Variants in PRKG2 observed in about 807,000 individuals in gnomAD.
PRKG2 encodes the protein cGMP-dependent protein kinase 2.
A neutral mutation model predicts 97.2 loss-of-function variants in PRKG2; 33 were observed. The observed-to-expected ratio is 0.34, with a 90% CI of 0.26 to 0.45. The LOEUF (loss-of-function observed/expected upper bound fraction) is 0.45. Among genes scored for constraint, PRKG2 ranks in the 20% least tolerant of loss-of-function variants. The pLI is 1.00. For missense variants in PRKG2, 638 were observed against 900.0 expected (o/e 0.71, Z 3.73); for synonymous variants, 330 against 321.8 (o/e 1.03, Z -0.27).
At chr4:81,119,155 C>A (rs910988520) in intron 14 of PRKG2, among the ~76,000 whole-genome samples, 1 of 152,056 alleles carries the variant, frequency 6.6e-6, no homozygotes, top group African/African-American at 2.4e-5. Flanking sequence ...ATGGATCTTG[C>A]CTTTGGTGTT....
chr4:81,181,069 G>A (rs1751369582), intron 2 of PRKG2, among the ~76,000 whole-genome samples: 1 of 146,456 alleles, frequency 6.8e-6, no homozygotes, highest in East Asian at 2.0e-4. Context: ...CCACCTATGA[G>A]TGAGAACATG....
intron 6 of PRKG2, among the ~76,000 whole-genome samples, chr4:81,159,780 T>G (rs1020008780): frequency 1.3e-5 from 2 of 151,766 alleles, no homozygotes; most frequent in South Asian, 4.2e-4. Flanking sequence ...TATGCAGCCA[T>G]AAAAAATGAT....
intron 9 of PRKG2, among the ~76,000 whole-genome samples, chr4:81,148,076 C>T (rs923402128): frequency 6.6e-6 from 1 of 151,934 alleles, no homozygotes; most frequent in Non-Finnish European, 1.5e-5. Flanking sequence ...AAAGTTTTTT[C>T]CAGCTCTATA....
Position 81,105,866 on chromosome 4 carries a change from A to T in PRKG2, c.2010T>A (p.Asp670Glu). 2.5e-6 allele frequency: 4 copies of T among 1,613,858 alleles called. No homozygotes were observed. The highest frequency in any genetic ancestry group is 3.4e-6 in the Non-Finnish European group (4 of 1,179,836). The change falls in exon 16 of 19, where the codon GAT becomes GAA. Residue 670 changes from aspartate to glutamate, a missense_variant. Physicochemically the swap from Asp to Glu is conservative, Grantham distance 45. Transcript: ENST00000264399. ...NLILKGIEKM[D>E]FPRKITRRPE... ...GTCGTCGTGTTATCTTCCTGGGAAAATCCATTTTTTCAATTCCTTTGAGAA... is the reference window on the plus strand; with the variant it reads ...GTCGTCGTGTTATCTTCCTGGGAAATTCCATTTTTTCAATTCCTTTGAGAA...
intron 14 of PRKG2, among the ~76,000 whole-genome samples, chr4:81,132,635 CTT>C (rs1288647937): frequency 3.3e-5 from 5 of 152,130 alleles, no homozygotes; most frequent in Non-Finnish European, 7.4e-5. Context: ...AATATCTACT[CTT>C]TGTTTCTTTT....
At position 81,204,786 on chromosome 4, in the gene PRKG2, T is replaced by C. The variant is rs1007254791; in HGVS notation, c.262A>G (p.Met88Val). 1 of 1,614,192 alleles carries C rather than the reference T, an allele frequency of 6.2e-7. No homozygotes were observed. The highest frequency in any genetic ancestry group is 1.3e-5 in the African/African-American group (1 of 75,064). ...QLNKLQDVVH[M>V]QGGSPLQASP... ...GCCTGAAGCGGGCTTCCTCCCTGCA[T>C]ATGCACCACATCCTGCAGCTTGTTC... The change falls in exon 2 of 19, where the codon ATG becomes GTG. Residue 88 changes from methionine (M) to valine (V), a missense_variant. This residue lies in a region of PRKG2 where 332 missense variants were observed against 421.7 expected (regional missense o/e 0.79). Coordinates refer to ENST00000264399, the MANE Select transcript of PRKG2 (RefSeq NM_006259.3).
chr4:81,169,871 C>T (rs1750312865), intron 4 of PRKG2, 103 bp from the exon 5 acceptor site: 2 of 670,240 alleles, frequency 3.0e-6, no homozygotes, highest in Admixed American at 7.5e-5. Context: ...TAAAATGGTA[C>T]TTCTTGGAAA....
At chr4:81,157,065 A>G (rs1220403720) in intron 6 of PRKG2, among the ~76,000 whole-genome samples, 6 of 151,960 alleles carry the variant, frequency 3.9e-5, no homozygotes, top group African/African-American at 1.2e-4. Context: ...CAGAAGGCAA[A>G]AAATAACTAA....
Position 81,148,892 on chromosome 4 carries a change from T to G in PRKG2, c.1146A>C (p.Ile382=). 6.2e-7 allele frequency: 1 copy of G among 1,613,704 alleles called. No individual in the cohort carries two copies. The highest frequency in any genetic ancestry group is 2.2e-5 in the East Asian group (1 of 44,876). The change falls in exon 9 of 19, where the codon ATA becomes ATC. Residue 382 remains isoleucine (I), a synonymous_variant. Transcript: ENST00000264399. ...AACATCAGTATACTCACTCTCGATC[T>G]ATAACCAGGCATGCAACATCATTTT... is the stretch of plus-strand genomic sequence containing the variant. ...AEENDVACLV[I]DRETFNQTVG...
At chr4:81,156,563 C>G (rs1038675809) in intron 6 of PRKG2, among the ~76,000 whole-genome samples, 2 of 152,112 alleles carry the variant, frequency 1.3e-5, no homozygotes, top group Non-Finnish European at 2.9e-5. Flanking sequence ...TTGAACTCAG[C>G]TCTGCACCAA....
At chr4:81,106,778 G>C (rs1202925987) in intron 15 of PRKG2, among the ~76,000 whole-genome samples, 1 of 152,184 alleles carries the variant, frequency 6.6e-6, no homozygotes, top group Non-Finnish European at 1.5e-5. Context: ...TAAATCAGAA[G>C]GGTGAAGCCC....
Position 81,135,137 on chromosome 4 carries a change from TG to T in PRKG2, c.1776+17del, listed in dbSNP as rs757165090. ...GAAATATCTCATATGAGACTGTAAG[TG>T]AGAAAAGTTGTCTTACCAATTTAAG... On this transcript the variant is annotated intron_variant, in intron 14 of 18. Transcript: ENST00000264399. 2 of 1,593,912 alleles carry T rather than the reference TG, an allele frequency of 1.3e-6. No homozygotes were observed. The highest frequency in any genetic ancestry group is 1.7e-6 in the Non-Finnish European group (2 of 1,168,670).
chr4:81,119,589 G>C lies in PRKG2; in HGVS notation c.1777-8978C>G, dbSNP rs1470521328. On this transcript the variant is annotated intron_variant, in intron 14 of 18. Coordinates refer to ENST00000264399, the MANE Select transcript of PRKG2 (RefSeq NM_006259.3). ...CCTTCAATGTTACATTGGCTATTCT[G>C]GGTCTCTTGCCTCCATATATAAATT... Among the ~76,000 whole-genome samples, 8 of 152,066 alleles carry C rather than the reference G, an allele frequency of 5.3e-5. No homozygotes were observed. The East Asian group carries it at 1.5e-3, about 29-fold the overall frequency.
At chr4:81,202,730 G>T (rs990340319) in intron 2 of PRKG2, among the ~76,000 whole-genome samples, 1 of 113,544 alleles carries the variant, frequency 8.8e-6, no homozygotes, top group African/African-American at 6.9e-5. Context: ...TATAACTACT[G>T]ATTTTTTTTT....
chr4:81,142,715 C>T lies in PRKG2; in HGVS notation c.1407+79G>A, dbSNP rs28685208. On this transcript the variant is annotated intron_variant, in intron 11 of 18. Coordinates refer to ENST00000264399, the MANE Select transcript of PRKG2 (RefSeq NM_006259.3). ...AGATAGCAGTAACAATTCATATATT[C>T]CTCCAAGATATGCTGGAATATAAAA... 3.2e-3 allele frequency: 4,438 copies of T among 1,405,048 alleles called. 22 individuals carry two copies. The highest frequency in any genetic ancestry group is 8.0e-3 in the Middle Eastern group (34 of 4,268). 87.0% of individuals were successfully genotyped at this position (1,405,048 alleles called of 1,614,324 possible). A position where few individuals can be genotyped will look rare whatever the true frequency, so the allele number is the denominator to read the frequency against.
At chr4:81,176,901 AAT>A (rs1750976591) in intron 2 of PRKG2, among the ~76,000 whole-genome samples, 1 of 152,132 alleles carries the variant, frequency 6.6e-6, no homozygotes, top group South Asian at 2.1e-4. Context: ...AAAAAAAATC[AAT>A]ATCCTACAAC....
chr4:81,137,942 G>C (rs547352133), intron 12 of PRKG2, among the ~76,000 whole-genome samples: 1 of 152,242 alleles, frequency 6.6e-6, no homozygotes, highest in African/African-American at 2.4e-5. Context: ...GATTCCCCTG[G>C]AAATAGACTC....
intron 2 of PRKG2, among the ~76,000 whole-genome samples, chr4:81,191,615 G>A (rs1348273942): frequency 6.6e-6 from 1 of 151,792 alleles, no homozygotes; most frequent in Non-Finnish European, 1.5e-5. Context: ...AGAATTCTGG[G>A]ACAGAAAAGA....
chr4:81,140,677 A>C lies in PRKG2; in HGVS notation c.1408-8T>G. On this transcript the variant is annotated splice_polypyrimidine_tract_variant and splice_region_variant and intron_variant, in intron 11 of 18. Coordinates refer to ENST00000264399, the MANE Select transcript of PRKG2 (RefSeq NM_006259.3). Reference sequence around the variant, plus strand: ...CTCATTTTTTACTTTAACCTATGTAAGAAATGGAAAGATACCTCAAAATTA... The same window carrying C: ...CTCATTTTTTACTTTAACCTATGTACGAAATGGAAAGATACCTCAAAATTA... The C allele has an allele frequency of 6.3e-7, 1 of 1,595,436 alleles. No individual in the cohort carries two copies. Among genetic ancestry groups the C allele is most frequent in the Non-Finnish European group, 8.6e-7 (1 of 1,164,094 alleles).
Sources: gnomAD v4.1 joint callset for allele counts (sites outside exome capture counted in the v4.1 genomes callset) on GRCh38, gnomAD v4.1.1 for gene constraint, gnomAD v4.1.1 regional missense constraint, MANE v1.5 for transcripts, NCBI Gene and HGNC (gene_info 2026-07-23, HGNC 2026-07-21) for gene names.